The following GNAO1 variants were observed in gnomAD, a reference collection of about 807,000 sequenced individuals.
GNAO1 encodes the protein G protein subunit alpha o1, also known as guanine nucleotide-binding protein G(o) subunit alpha.
For synonymous variants in GNAO1, 164 were observed against 180.7 expected (o/e 0.91, Z 0.74); for missense variants, 166 against 478.7 (o/e 0.35, Z 6.10).
At chr16:56,249,469 G>A (rs1198930868) in intron 2 of GNAO1, among the ~76,000 whole-genome samples, 7 of 152,110 alleles carry the variant, frequency 4.6e-5, no homozygotes, top group Admixed American at 3.9e-4. Context: ...ACTGGGGAGG[G>A]GAGAGGAGTG....
chr16:56,219,843 A>G (rs1282720699), intron 2 of GNAO1, among the ~76,000 whole-genome samples: 1 of 152,168 alleles, frequency 6.6e-6, no homozygotes, highest in African/African-American at 2.4e-5. Flanking sequence ...TCCCAGAGCA[A>G]TGGGGGGATT....
intron 5 of GNAO1, 31 bp from the exon 6 acceptor site, chr16:56,336,700 C>G: frequency 6.3e-7 from 1 of 1,587,546 alleles, no homozygotes; most frequent in Non-Finnish European, 8.6e-7. Context: ...CTGCCTGGAC[C>G]CTGCGCCTAC....
chr16:56,206,601 C>T (rs184607726), intron 2 of GNAO1, among the ~76,000 whole-genome samples: 31 of 152,158 alleles, frequency 2.0e-4, no homozygotes, highest in Admixed American at 1.0e-3. Flanking sequence ...CTCGTAATTG[C>T]GGTGATGGTT....
In GNAO1 at chr16:56,192,289, G is replaced by A. The variant is rs1288429932; in HGVS notation, c.54G>A (p.Ala18=). ...GAGCCGCCCTCGAGCGGAGCAAGGC[G>A]ATTGAGAAAAACCTCAAAGAGGATG... The part of the protein sequence containing the change: ...EERAALERSK[A]IEKNLKEDGI... Residue 18 remains alanine, a synonymous_variant, in exon 1 of 9, where the codon GCG becomes GCA. Coordinates refer to ENST00000262493, the MANE Select transcript of GNAO1 (RefSeq NM_020988.3). 2.7e-5 allele frequency: 43 copies of A among 1,611,744 alleles called. No individual in the cohort carries two copies. The highest frequency in any genetic ancestry group is 3.6e-5 in the Non-Finnish European group (42 of 1,178,986).
intron 2 of GNAO1, among the ~76,000 whole-genome samples, chr16:56,268,037 AAG>A (rs1240808288): frequency 6.6e-6 from 1 of 152,096 alleles, no homozygotes; most frequent in East Asian, 1.9e-4. Context: ...GGGGAGCATC[AAG>A]GGAGGTAAGA....
intron 2 of GNAO1, among the ~76,000 whole-genome samples, chr16:56,245,327 C>T (rs112960837): frequency 8.5e-5 from 13 of 152,274 alleles, no homozygotes; most frequent in African/African-American, 2.9e-4. Flanking sequence ...GGAATCACGG[C>T]CCTGACGTTC....
intron 3 of GNAO1, chr16:56,277,123 A>C (rs1273328634): frequency 2.0e-5 from 3 of 152,290 alleles, no homozygotes; most frequent in African/African-American, 7.2e-5. Context: ...CATGGGGCAG[A>C]GTCATCCAGC....
intron 3 of GNAO1, among the ~76,000 whole-genome samples, chr16:56,288,365 G>A (rs2143551711): frequency 6.6e-6 from 1 of 152,324 alleles, no homozygotes; most frequent in South Asian, 2.1e-4. Context: ...AAGAGCTGAA[G>A]GGATTGGCAC....
chr16:56,340,790 C>T (rs775694667), intron 6 of GNAO1: 1 of 1,592,822 alleles, frequency 6.3e-7, no homozygotes, highest in South Asian at 1.1e-5. Context: ...GGGTCAGGGC[C>T]CTGGATGCTG....
chr16:56,275,492 G>A (rs1399205929), intron 2 of GNAO1, among the ~76,000 whole-genome samples: 1 of 152,166 alleles, frequency 6.6e-6, no homozygotes, highest in South Asian at 2.1e-4. Context: ...CATTAAAAGC[G>A]GTGAGTTTTC....
At chr16:56,300,154 A>C (rs1425393669) in intron 3 of GNAO1, among the ~76,000 whole-genome samples, 1 of 151,906 alleles carries the variant, frequency 6.6e-6, no homozygotes, top group African/African-American at 2.4e-5. Flanking sequence ...TCTCTCTCTA[A>C]GGAGAGAGGC....
intron 3 of GNAO1, among the ~76,000 whole-genome samples, chr16:56,294,476 A>G (rs1230598728): frequency 2.6e-5 from 4 of 152,014 alleles, no homozygotes; most frequent in African/African-American, 7.3e-5. Context: ...CAAGCTTCCA[A>G]CCTACCCCAA....
intron 3 of GNAO1, among the ~76,000 whole-genome samples, chr16:56,316,757 C>T (rs1195478659): frequency 4.6e-5 from 7 of 152,180 alleles, no homozygotes; most frequent in African/African-American, 1.7e-4. Flanking sequence ...GGGCAGGGTC[C>T]AGTTCCTGCT....
At chr16:56,215,919 C>A (rs1210246064) in intron 2 of GNAO1, among the ~76,000 whole-genome samples, 9 of 152,202 alleles carry the variant, frequency 5.9e-5, no homozygotes, top group African/African-American at 2.2e-4. Flanking sequence ...CCCCCACTCT[C>A]TTCCTGATGA....
intron 2 of GNAO1, among the ~76,000 whole-genome samples, chr16:56,234,339 T>C (rs2036617561): frequency 6.6e-6 from 1 of 152,244 alleles, no homozygotes; most frequent in South Asian, 2.1e-4. Context: ...CTGGCCAGAA[T>C]GCCCTTAGGC....
chr16:56,349,791 A>C (rs1428212633), intron 6 of GNAO1, among the ~76,000 whole-genome samples: 1 of 152,134 alleles, frequency 6.6e-6, no homozygotes, highest in African/African-American at 2.4e-5. Flanking sequence ...AATAGGAACC[A>C]GGGGCTGGGG....
intron 2 of GNAO1, among the ~76,000 whole-genome samples, chr16:56,236,615 TCTA>T (rs763765174): frequency 3.0e-4 from 45 of 152,146 alleles, no homozygotes; most frequent in Non-Finnish European, 2.8e-4. Flanking sequence ...CCCTTTTCAC[TCTA>T]CTATGTTACT....
intron 3 of GNAO1, among the ~76,000 whole-genome samples, chr16:56,312,188 C>T (rs1041148757): frequency 1.4e-4 from 21 of 152,300 alleles, no homozygotes; most frequent in Middle Eastern, 3.4e-3. Context: ...ACGGGGCTGG[C>T]GATGTGGGCT....
At chr16:56,328,841 G>A (rs764130212) in intron 4 of GNAO1, 50 bp downstream of exon 4, 4 of 1,582,240 alleles carry the variant, frequency 2.5e-6, no homozygotes, top group Non-Finnish European at 3.5e-6. Flanking sequence ...TGATGCGGGA[G>A]TGGAAGGGAC....
Sources: allele counts gnomAD v4.1 joint callset (sites outside exome capture counted in the v4.1 genomes callset), GRCh38; gene constraint gnomAD v4.1.1; transcripts MANE v1.5; gene names NCBI Gene and HGNC (gene_info 2026-07-23, HGNC 2026-07-21).